Variants in UNC5D observed in about 807,000 individuals in gnomAD.
The protein encoded by UNC5D is unc-5 netrin receptor D, also known as netrin receptor UNC5D.
UNC5D carries 39 observed loss-of-function variants against 105.4 expected under a neutral mutation model. The ratio of observed to expected loss-of-function variants is 0.37; its 90% CI spans 0.29 to 0.48. The LOEUF (loss-of-function observed/expected upper bound fraction) is 0.48, where lower values mean the gene tolerates loss of function less well. Ranked by LOEUF, UNC5D falls within the 20% of genes least tolerant of loss-of-function variation. UNC5D has a pLI of 0.98. For missense variants in UNC5D, 991 were observed against 1,202.4 expected (o/e 0.82, Z 2.60); for synonymous variants, 452 against 450.4 (o/e 1.00, Z -0.04).
rs752162877 is a variant in UNC5D, at chr8:35,748,634, A to G, written c.1874A>G (p.Asp625Gly). ...PFALTIPHCA[D>G]VSSEHWNIHL... Reference sequence around the variant, plus strand: ...GCATTGACCATCCCGCACTGTGCAGATGTCAGTTCTGAGCATTGGAATATC... The same window carrying G: ...GCATTGACCATCCCGCACTGTGCAGGTGTCAGTTCTGAGCATTGGAATATC... The change falls in exon 12 of 17, where the codon GAT becomes GGT. Residue 625 changes from aspartate to glycine, a missense_variant. Physicochemically the swap from Asp to Gly is moderately conservative, Grantham distance 94. Coordinates refer to ENST00000404895, the MANE Select transcript of UNC5D (RefSeq NM_080872.4). 20 of 1,613,942 alleles carry G rather than the reference A, an allele frequency of 1.2e-5. No homozygotes were observed. The highest frequency in any genetic ancestry group is 1.6e-5 in the Non-Finnish European group (19 of 1,179,950).
At chr8:35,450,110 C>T (rs1367886076) in intron 1 of UNC5D, among the ~76,000 whole-genome samples, 1 of 152,146 alleles carries the variant, frequency 6.6e-6, no homozygotes, top group Non-Finnish European at 1.5e-5. Flanking sequence ...GGCATCATCC[C>T]TCTGCTGAGT....
At chr8:35,543,682 G>T (rs1815433310) in intron 1 of UNC5D, among the ~76,000 whole-genome samples, 1 of 152,064 alleles carries the variant, frequency 6.6e-6, no homozygotes, top group African/African-American at 2.4e-5. Flanking sequence ...ACTTTGGTGA[G>T]GATGTCTAGT....
chr8:35,473,316 A>G (rs1479069135), intron 1 of UNC5D, among the ~76,000 whole-genome samples: 1 of 152,076 alleles, frequency 6.6e-6, no homozygotes, highest in Non-Finnish European at 1.5e-5. Flanking sequence ...ACTCAGATTT[A>G]CTCTAGAAGA....
In UNC5D at chr8:35,757,229, A is replaced by G. The variant is rs566184461; in HGVS notation, c.2164-2091A>G. Among the ~76,000 whole-genome samples the G allele has an allele frequency of 3.3e-5, 5 of 152,230 alleles. No homozygotes were observed. The South Asian group carries it at 1.0e-3, about 32-fold the overall frequency. ...GAAGACACCAAAAGAGTTTTAATGC[A>G]CCTTAAAACCAGAGCAACATTACTC... On this transcript the variant is annotated intron_variant, in intron 13 of 16. Transcript: ENST00000404895.
At chr8:35,458,762 G>C (rs2129636350) in intron 1 of UNC5D, among the ~76,000 whole-genome samples, 1 of 152,122 alleles carries the variant, frequency 6.6e-6, no homozygotes, top group Admixed American at 6.6e-5. Flanking sequence ...GATTTTACTG[G>C]GTTTTCCTGT....
At chr8:35,659,166 C>G (rs944146837) in intron 4 of UNC5D, among the ~76,000 whole-genome samples, 2 of 151,940 alleles carry the variant, frequency 1.3e-5, no homozygotes, top group East Asian at 3.9e-4. Context: ...AAAGTAGAAG[C>G]TGATTTATGA....
intron 1 of UNC5D, among the ~76,000 whole-genome samples, chr8:35,447,982 T>A (rs1807907535): frequency 6.6e-6 from 1 of 152,100 alleles, no homozygotes; most frequent in African/African-American, 2.4e-5. Flanking sequence ...AAAAGTCATC[T>A]CATTTTTATA....
chr8:35,628,004 A>G (rs1201430611), intron 4 of UNC5D, among the ~76,000 whole-genome samples: 1 of 152,152 alleles, frequency 6.6e-6, no homozygotes, highest in Non-Finnish European at 1.5e-5. Context: ...TGGTTGAGGG[A>G]ACAAGGTGTG....
At chr8:35,746,710 CAT>C (rs1830022026) in intron 11 of UNC5D, among the ~76,000 whole-genome samples, 1 of 152,126 alleles carries the variant, frequency 6.6e-6, no homozygotes, top group African/African-American at 2.4e-5. Flanking sequence ...CCCAAATTCC[CAT>C]ATGTTTGAAC....
intron 2 of UNC5D, among the ~76,000 whole-genome samples, chr8:35,555,992 T>C (rs1816523297): frequency 6.6e-6 from 1 of 151,704 alleles, no homozygotes; most frequent in African/African-American, 2.4e-5. Context: ...AAGCAATGTT[T>C]GAAATCAGGC....
intron 1 of UNC5D, among the ~76,000 whole-genome samples, chr8:35,352,127 G>T (rs1353924113): frequency 2.6e-5 from 4 of 151,948 alleles, no homozygotes; most frequent in Non-Finnish European, 5.9e-5. Flanking sequence ...TCCATTAAGA[G>T]ATAAGAAAAA....
At chr8:35,772,148 G>C (rs1470939054) in intron 15 of UNC5D, among the ~76,000 whole-genome samples, 1 of 152,104 alleles carries the variant, frequency 6.6e-6, no homozygotes, top group African/African-American at 2.4e-5. Flanking sequence ...ATAATAACAT[G>C]TACTTTGAGG....
chr8:35,293,793 C>G (rs954689976), intron 1 of UNC5D, among the ~76,000 whole-genome samples: 3 of 152,226 alleles, frequency 2.0e-5, no homozygotes, highest in African/African-American at 7.2e-5. Flanking sequence ...ATGATGTCCT[C>G]TCAATTGGGG....
rs374631553 is a variant in UNC5D, at chr8:35,675,697, TG to T, written c.571-7846del. 5.8e-4 allele frequency among the ~76,000 whole-genome samples: 88 copies of T among 152,194 alleles called. 1 individual carries two copies. Among genetic ancestry groups the T allele is most frequent in the African/African-American group, 2.0e-3 (85 of 41,530 alleles). Reference sequence around the variant, plus strand: ...TCTAGAATTCAAAGGTCAAGGGGCCTGGGGTCCTGCATATGAGGAAAGCTGG... The same window carrying T: ...TCTAGAATTCAAAGGTCAAGGGGCCTGGGTCCTGCATATGAGGAAAGCTGG... On this transcript the variant is annotated intron_variant, in intron 4 of 16. Coordinates refer to ENST00000404895, the MANE Select transcript of UNC5D (RefSeq NM_080872.4).
intron 3 of UNC5D, among the ~76,000 whole-genome samples, chr8:35,576,364 G>A (rs1818087644): frequency 6.6e-6 from 1 of 152,174 alleles, no homozygotes; most frequent in Admixed American, 6.5e-5. Context: ...ATGTTGAATT[G>A]GGACAGGATT....
At chr8:35,557,670 G>A (rs939122351) in intron 2 of UNC5D, among the ~76,000 whole-genome samples, 22 of 152,022 alleles carry the variant, frequency 1.4e-4, no homozygotes, top group African/African-American at 5.3e-4. Context: ...GTCCTTAAAA[G>A]AGTCCCCGGA....
At chr8:35,558,191 A>G (rs1421206601) in intron 2 of UNC5D, among the ~76,000 whole-genome samples, 19 of 151,416 alleles carry the variant, frequency 1.3e-4, no homozygotes, top group East Asian at 3.9e-4. Context: ...AGGTATCTTG[A>G]TGTTTTGCTT....
chr8:35,305,130 G>A (rs2950894), intron 1 of UNC5D, among the ~76,000 whole-genome samples: 1 of 152,010 alleles, frequency 6.6e-6, no homozygotes, highest in African/African-American at 2.4e-5. Context: ...TTATGATAGC[G>A]GTCATCAAAT....
chr8:35,533,115 G>A (rs1052369659), intron 1 of UNC5D, among the ~76,000 whole-genome samples: 179 of 151,870 alleles, frequency 1.2e-3, no homozygotes, highest in Middle Eastern at 6.8e-3. Context: ...TGGAGGAGGA[G>A]AGGCGCTCTG....
Sources: allele counts gnomAD v4.1 joint callset (sites outside exome capture counted in the v4.1 genomes callset), GRCh38; gene constraint gnomAD v4.1.1; transcripts MANE v1.5; gene names NCBI Gene and HGNC (gene_info 2026-07-23, HGNC 2026-07-21).